SLC39A11: variants seen among roughly 807,000 people sequenced by gnomAD.
SLC39A11 encodes the protein zinc transporter ZIP11.
A neutral mutation model predicts 36.1 loss-of-function variants in SLC39A11; 33 were observed. The ratio of observed to expected loss-of-function variants is 0.91; its 90% CI spans 0.69 to 1.22. The LOEUF (loss-of-function observed/expected upper bound fraction) is 1.22. SLC39A11 is among the 50% of genes most tolerant of loss of function. SLC39A11 has a pLI of 0.00. For missense variants in SLC39A11, 432 were observed against 430.3 expected, an observed-to-expected ratio of 1.00 and a Z score of -0.03; for synonymous variants, 166 against 170.3, an observed-to-expected ratio of 0.97 and a Z score of 0.20.
At chr17:73,069,075 T>G (rs773553106) in intron 3 of SLC39A11, among the ~76,000 whole-genome samples, 6 of 152,156 alleles carry the variant, frequency 3.9e-5, no homozygotes, top group African/African-American at 7.2e-5. Context: ...TCCACTCTTA[T>G]GCTTCCAATT....
At chr17:72,688,767 C>T (rs72843226) in intron 7 of SLC39A11, among the ~76,000 whole-genome samples, 12,285 of 152,250 alleles carry the variant, frequency 0.081, 647 homozygotes, top group Non-Finnish European at 0.11. Context: ...CTGTGCAAAT[C>T]CCTGGAACCA....
chr17:72,712,367 A>G (rs1248634980), intron 7 of SLC39A11, among the ~76,000 whole-genome samples: 1 of 152,252 alleles, frequency 6.6e-6, no homozygotes, highest in African/African-American at 2.4e-5. Context: ...CAAACACTAG[A>G]GGCCAGTTCT....
chr17:72,991,810 GT>G (rs1383043724), intron 4 of SLC39A11, among the ~76,000 whole-genome samples: 1 of 152,090 alleles, frequency 6.6e-6, no homozygotes, highest in Non-Finnish European at 1.5e-5. Flanking sequence ...CTCATGCAGG[GT>G]TCCCTGTGTA....
At chr17:72,716,992 TACAC>T (rs367641582) in intron 7 of SLC39A11, among the ~76,000 whole-genome samples, 8,661 of 126,298 alleles carry the variant, frequency 0.069, 506 homozygotes, top group African/African-American at 0.16. Context: ...TATATATATA[TACAC>T]ACACACACAC....
intron 5 of SLC39A11, among the ~76,000 whole-genome samples, chr17:72,914,890 T>TAAATAAATAAATAAATAAA (rs1555629723): frequency 8.3e-6 from 1 of 120,892 alleles, no homozygotes; most frequent in Non-Finnish European, 2.1e-5. Context: ...ATAAATAAAA[T>TAAATAAATAAATAAATAAA]TGAATATCTG....
chr17:72,995,302 G>A (rs756212981), intron 4 of SLC39A11, among the ~76,000 whole-genome samples: 5 of 152,160 alleles, frequency 3.3e-5, no homozygotes, highest in Admixed American at 6.5e-5. Flanking sequence ...TTGTGAGCAG[G>A]TGTACTAAGC....
At chr17:73,029,067 A>G (rs2058656626) in intron 4 of SLC39A11, among the ~76,000 whole-genome samples, 2 of 151,428 alleles carry the variant, frequency 1.3e-5, no homozygotes, top group Admixed American at 6.6e-5. Flanking sequence ...GCGGTGAGCC[A>G]AGATCACGCC....
chr17:72,747,309 C>T lies in SLC39A11; in HGVS notation c.602-10590G>A, dbSNP rs2074978138. On this transcript the variant is annotated intron_variant, in intron 6 of 9. Transcript: ENST00000255559. ...GGGACTACAAGTGCACACCACTGCACCCAGCTAATTTTTGTATTTTTAGTA... is the reference window on the plus strand; with the variant it reads ...GGGACTACAAGTGCACACCACTGCATCCAGCTAATTTTTGTATTTTTAGTA... Among the ~76,000 whole-genome samples, 3 of 152,184 alleles carry T rather than the reference C, an allele frequency of 2.0e-5. No homozygotes were observed. The South Asian group carries it at 6.2e-4, about 31-fold the overall frequency.
intron 4 of SLC39A11, among the ~76,000 whole-genome samples, chr17:73,004,185 A>AAG (rs1443278238): frequency 2.2e-5 from 2 of 91,496 alleles, no homozygotes; most frequent in East Asian, 8.0e-4. Flanking sequence ...GAAAGAAAGA[A>AAG]AGAAAGAAAG....
At chr17:72,745,428 A>T (rs1226645990) in intron 6 of SLC39A11, among the ~76,000 whole-genome samples, 1 of 152,160 alleles carries the variant, frequency 6.6e-6, no homozygotes, top group East Asian at 1.9e-4. Flanking sequence ...GGGTGGTCAG[A>T]CCAGGGGTAG....
intron 5 of SLC39A11, among the ~76,000 whole-genome samples, chr17:72,926,236 C>T (rs947731671): frequency 2.0e-5 from 3 of 152,206 alleles, no homozygotes; most frequent in African/African-American, 7.2e-5. Flanking sequence ...TTCCTTTTAA[C>T]CAGCCATGCT....
At chr17:72,942,100 T>G (rs59094489) in intron 5 of SLC39A11, among the ~76,000 whole-genome samples, 1 of 151,814 alleles carries the variant, frequency 6.6e-6, no homozygotes, top group Non-Finnish European at 1.5e-5. Flanking sequence ...TTCACCATGT[T>G]GGCCAGGCTG....
intron 6 of SLC39A11, among the ~76,000 whole-genome samples, chr17:72,754,037 TATATATATAC>T (rs1208734726): frequency 8.4e-6 from 1 of 119,612 alleles, no homozygotes; most frequent in Non-Finnish European, 1.7e-5. Flanking sequence ...TATATATATA[TATATATATAC>T]ACATACACAC....
chr17:72,728,257 G>A (rs12602624), intron 7 of SLC39A11, among the ~76,000 whole-genome samples: 3 of 152,086 alleles, frequency 2.0e-5, no homozygotes, highest in Non-Finnish European at 2.9e-5. Flanking sequence ...GGCCAGCCTG[G>A]GCAAACTCAA....
At chr17:73,011,428 T>C (rs2090509226) in intron 4 of SLC39A11, among the ~76,000 whole-genome samples, 2 of 152,126 alleles carry the variant, frequency 1.3e-5, no homozygotes, top group Admixed American at 1.3e-4. Flanking sequence ...TGAAGGGGTT[T>C]CAGCCAGAAA....
chr17:72,769,529 G>A (rs2075863328), intron 6 of SLC39A11, among the ~76,000 whole-genome samples: 1 of 151,936 alleles, frequency 6.6e-6, no homozygotes, highest in Non-Finnish European at 1.5e-5. Flanking sequence ...TGCTCACTGA[G>A]ATAGATGCAT....
chr17:72,881,598 A>G (rs920858208), intron 5 of SLC39A11, among the ~76,000 whole-genome samples: 2 of 152,206 alleles, frequency 1.3e-5, no homozygotes, highest in African/African-American at 4.8e-5. Flanking sequence ...TTCTTCCACA[A>G]AGCCTTTTTA....
chr17:72,722,899 G>A (rs2073759102), intron 7 of SLC39A11, among the ~76,000 whole-genome samples: 1 of 152,150 alleles, frequency 6.6e-6, no homozygotes, highest in Non-Finnish European at 1.5e-5. Context: ...ACCTCCCAAA[G>A]TGCTGGGATT....
chr17:72,744,035 T>G (rs1467764416), intron 6 of SLC39A11, among the ~76,000 whole-genome samples: 1 of 152,210 alleles, frequency 6.6e-6, no homozygotes, highest in Non-Finnish European at 1.5e-5. Context: ...CCTGCCTCTC[T>G]CCACCTCCCC....
Sources: gnomAD v4.1 joint callset for allele counts (sites outside exome capture counted in the v4.1 genomes callset) on GRCh38, gnomAD v4.1.1 for gene constraint, MANE v1.5 for transcripts, NCBI Gene and HGNC (gene_info 2026-07-23, HGNC 2026-07-21) for gene names.